Variants in MANBA observed in about 807,000 individuals in gnomAD.
The protein encoded by MANBA is beta-mannosidase.
MANBA carries 83 observed loss-of-function variants against 111.1 expected under a neutral mutation model. The ratio of observed to expected loss-of-function variants is 0.75; its 90% CI spans 0.63 to 0.90. The LOEUF (loss-of-function observed/expected upper bound fraction) is 0.90. Ranked by LOEUF, MANBA falls within the 40% of genes least tolerant of loss-of-function variation. MANBA has a pLI of 0.00. For missense variants in MANBA, 1,036 were observed against 1,069.0 expected, an observed-to-expected ratio of 0.97 and a Z score of 0.43; for synonymous variants, 370 against 378.7, an observed-to-expected ratio of 0.98 and a Z score of 0.27.
chr4:102,649,781 T>C (rs555917497), intron 13 of MANBA, among the ~76,000 whole-genome samples: 62 of 152,320 alleles, frequency 4.1e-4, no homozygotes, highest in African/African-American at 1.4e-3. Flanking sequence ...TTCTAGTTAG[T>C]GCTTTTTATG....
At chr4:102,699,590 G>T (rs1169046980) in intron 5 of MANBA, among the ~76,000 whole-genome samples, 1 of 150,860 alleles carries the variant, frequency 6.6e-6, no homozygotes, top group Non-Finnish European at 1.5e-5. Context: ...TTTGTCAAAG[G>T]CCTTTTCTGC....
chr4:102,701,922 C>T (rs1308153486), intron 5 of MANBA, among the ~76,000 whole-genome samples: 1,911 of 147,422 alleles, frequency 0.013, 24 homozygotes, highest in African/African-American at 0.037. Context: ...GCTAGATTGG[C>T]AAAGTTCTCC....
intron 13 of MANBA, among the ~76,000 whole-genome samples, chr4:102,648,256 G>A (rs1426483339): frequency 2.6e-5 from 4 of 152,146 alleles, no homozygotes; most frequent in African/African-American, 9.6e-5. Flanking sequence ...ATGTCCATAC[G>A]AAGATTTGTA....
intron 7 of MANBA, among the ~76,000 whole-genome samples, chr4:102,686,162 T>C (rs1732205842): frequency 6.6e-6 from 1 of 151,468 alleles, no homozygotes; most frequent in Admixed American, 6.6e-5. Flanking sequence ...TGAGAAAGGA[T>C]TAGGAAATGT....
At chr4:102,669,516 C>T (rs957693310) in intron 9 of MANBA, among the ~76,000 whole-genome samples, 8 of 152,140 alleles carry the variant, frequency 5.3e-5, no homozygotes, top group African/African-American at 1.2e-4. Context: ...CATATAAGTC[C>T]CTTCCTAAGG....
chr4:102,647,332 T>G (rs192917930), intron 13 of MANBA, among the ~76,000 whole-genome samples: 17 of 150,178 alleles, frequency 1.1e-4, no homozygotes, highest in African/African-American at 4.2e-4. Context: ...GAGAGGACAC[T>G]AGTGCTAAAT....
intron 14 of MANBA, among the ~76,000 whole-genome samples, chr4:102,636,597 G>T (rs1184969509): frequency 6.6e-6 from 1 of 152,118 alleles, no homozygotes; most frequent in Non-Finnish European, 1.5e-5. Flanking sequence ...CTCCCCTACT[G>T]CACGCACTAG....
chr4:102,677,671 C>T (rs1731786129), intron 7 of MANBA, among the ~76,000 whole-genome samples: 1 of 152,126 alleles, frequency 6.6e-6, no homozygotes, highest in South Asian at 2.1e-4. Context: ...CCAAGTACAT[C>T]TGTGTGAGGT....
chr4:102,643,576 T>A (rs1310814653), intron 13 of MANBA, among the ~76,000 whole-genome samples: 5 of 152,256 alleles, frequency 3.3e-5, no homozygotes, highest in African/African-American at 4.8e-5. Flanking sequence ...TTTCCTTTTT[T>A]AAAAATTTGT....
chr4:102,717,525 C>T (rs1398543134), intron 4 of MANBA, among the ~76,000 whole-genome samples: 2 of 151,834 alleles, frequency 1.3e-5, no homozygotes, highest in Non-Finnish European at 2.9e-5. Flanking sequence ...GCTCCTCCCA[C>T]CTCAGCCTCC....
chr4:102,685,950 C>T (rs1401289495), intron 7 of MANBA, among the ~76,000 whole-genome samples: 4 of 151,400 alleles, frequency 2.6e-5, no homozygotes, highest in African/African-American at 9.7e-5. Context: ...GACTGAAGGC[C>T]CTTGTGTCCT....
Position 102,657,781 on chromosome 4 carries a change from G to A in MANBA, c.1605C>T (p.Asp535=), listed in dbSNP as rs776118014. 1 of 1,613,572 alleles carries A rather than the reference G, an allele frequency of 6.2e-7. No individual in the cohort carries two copies. The highest frequency in any genetic ancestry group is 2.2e-5 in the East Asian group (1 of 44,866). The change falls in exon 12 of 17, where the codon GAC becomes GAT. Residue 535 remains aspartate (D), a synonymous_variant. Transcript: ENST00000647097. ...SNYFGDVHFY[D]YISDCWNWKV... is the part of the protein sequence containing the mutation. The stretch of plus-strand genomic sequence containing the variant: ...TCCAGTTCCAGCAATCACTGATATA[G>A]TCATAAAAATGTACATCACCAAAAT...
intron 7 of MANBA, among the ~76,000 whole-genome samples, chr4:102,674,911 C>A (rs552648052): frequency 6.6e-6 from 1 of 152,322 alleles, no homozygotes; most frequent in Admixed American, 6.5e-5. Flanking sequence ...ATGAATTAGT[C>A]AAATTATTTC....
At chr4:102,709,899 A>AAAG (rs1721982935) in intron 5 of MANBA, among the ~76,000 whole-genome samples, 1 of 152,172 alleles carries the variant, frequency 6.6e-6, no homozygotes, top group South Asian at 2.1e-4. Flanking sequence ...CAACAGAATG[A>AAAG]AAGACAGAAA....
At chr4:102,659,898 T>C (rs900600999) in intron 11 of MANBA, among the ~76,000 whole-genome samples, 4 of 152,102 alleles carry the variant, frequency 2.6e-5, no homozygotes, top group Non-Finnish European at 5.9e-5. Context: ...TTCCTGATTC[T>C]TCCTTCTCCA....
At chr4:102,645,277 A>T (rs1578865131) in intron 13 of MANBA, among the ~76,000 whole-genome samples, 1 of 151,618 alleles carries the variant, frequency 6.6e-6, no homozygotes, top group East Asian at 1.9e-4. Context: ...TTTATTGAGG[A>T]TTTTTTTCTG....
At chr4:102,641,768 A>AT (rs1729888453) in intron 13 of MANBA, among the ~76,000 whole-genome samples, 1 of 151,960 alleles carries the variant, frequency 6.6e-6, no homozygotes, top group South Asian at 2.1e-4. Flanking sequence ...ACTATAAGTT[A>AT]TTTTTTCCTG....
chr4:102,673,199 T>C (rs1731570521), intron 8 of MANBA, among the ~76,000 whole-genome samples: 1 of 152,140 alleles, frequency 6.6e-6, no homozygotes, highest in Non-Finnish European at 1.5e-5. Flanking sequence ...AATATGCAAA[T>C]ACCTTAGCAT....
chr4:102,640,128 G>A (rs1305228669), intron 13 of MANBA, among the ~76,000 whole-genome samples: 2 of 152,044 alleles, frequency 1.3e-5, no homozygotes, highest in Non-Finnish European at 2.9e-5. Flanking sequence ...GGTGTAAAAG[G>A]TTCTCTGCTA....
Sources: gnomAD v4.1 joint callset for allele counts (sites outside exome capture counted in the v4.1 genomes callset) on GRCh38, gnomAD v4.1.1 for gene constraint, MANE v1.5 for transcripts, NCBI Gene and HGNC (gene_info 2026-07-23, HGNC 2026-07-21) for gene names.